Variants in CHRDL2 observed in about 807,000 individuals in gnomAD.
The protein encoded by CHRDL2 is chordin-like protein 2.
Under a neutral mutation model 54.3 loss-of-function variants are expected in CHRDL2, and 41 were observed. That is an observed-to-expected ratio of 0.76 (90% CI 0.59 to 0.98). The LOEUF (loss-of-function observed/expected upper bound fraction) is 0.98. CHRDL2 is among the 50% of genes least tolerant of loss of function. The pLI is 0.00. For missense variants in CHRDL2, 518 were observed against 562.4 expected, an observed-to-expected ratio of 0.92 and a Z score of 0.80; for synonymous variants, 220 against 224.3, an observed-to-expected ratio of 0.98 and a Z score of 0.17.
chr11:74,702,767 C>A (rs373795640), intron 9 of CHRDL2, 27 bp downstream of exon 9: 1 of 1,610,906 alleles, frequency 6.2e-7, no homozygotes, highest in Non-Finnish European at 8.5e-7. Flanking sequence ...CAGAGGTACA[C>A]CCCACTGGGA....
At chr11:74,729,061 T>C (rs1008070037) in intron 1 of CHRDL2, among the ~76,000 whole-genome samples, 2 of 152,148 alleles carry the variant, frequency 1.3e-5, no homozygotes, top group African/African-American at 4.8e-5. Flanking sequence ...GGCAAGGCCA[T>C]GAAAGGCTGA....
At chr11:74,698,909 C>T (rs369683725) in intron 9 of CHRDL2, 1 of 152,284 alleles carries the variant, frequency 6.6e-6, no homozygotes, top group Non-Finnish European at 1.5e-5. Context: ...ACAGATGCAA[C>T]CAGCAAGGCC....
intron 1 of CHRDL2, among the ~76,000 whole-genome samples, chr11:74,725,880 C>T (rs1284386079): frequency 2.0e-5 from 3 of 152,198 alleles, no homozygotes; most frequent in Non-Finnish European, 4.4e-5. Flanking sequence ...ACCCACACAG[C>T]CATACTTTCT....
intron 1 of CHRDL2, among the ~76,000 whole-genome samples, chr11:74,726,824 A>T (rs2034579309): frequency 1.3e-5 from 2 of 152,160 alleles, no homozygotes; most frequent in Admixed American, 1.3e-4. Context: ...CTGGAGCCGG[A>T]CTTCAGGCCT....
intron 1 of CHRDL2, among the ~76,000 whole-genome samples, chr11:74,719,581 AT>A (rs2034457526): frequency 6.6e-6 from 1 of 152,122 alleles, no homozygotes; most frequent in Non-Finnish European, 1.5e-5. Context: ...ATGTCCTTAT[AT>A]TTTGGTGAGC....
At chr11:74,710,734 C>T in intron 4 of CHRDL2, 115 bp downstream of exon 4, 3 of 1,330,420 alleles carry the variant, frequency 2.3e-6, no homozygotes, top group East Asian at 2.6e-5. Context: ...CCCCTGAGCC[C>T]ATTCATTTTG....
intron 9 of CHRDL2, 92 bp from the exon 10 acceptor site, chr11:74,697,389 A>ATCACTCCC: frequency 1.2e-6 from 1 of 833,346 alleles, no homozygotes; most frequent in Non-Finnish European, 2.0e-6. Flanking sequence ...AACGGACCCA[A>ATCACTCCC]TCACTCCCTC....
chr11:74,703,080 A>G (rs966228724), intron 8 of CHRDL2, 113 bp from the exon 9 acceptor site: 18 of 1,153,206 alleles, frequency 1.6e-5, no homozygotes, highest in East Asian at 2.4e-5. Context: ...TACTGATTCT[A>G]TGTTAACAAC....
chr11:74,728,968 G>A (rs780631386), intron 1 of CHRDL2, among the ~76,000 whole-genome samples: 1 of 152,210 alleles, frequency 6.6e-6, no homozygotes, highest in Non-Finnish European at 1.5e-5. Flanking sequence ...GAGGTACAGA[G>A]CTGAAGGCCA....
In CHRDL2 at chr11:74,697,230, G is replaced by A. The variant is rs1441456312; in HGVS notation, c.1188C>T (p.Phe396=). Residue 396 remains phenylalanine, a synonymous_variant, in exon 10 of 11, where the codon TTC becomes TTT. Coordinates refer to ENST00000376332, the MANE Select transcript of CHRDL2 (RefSeq NM_001278473.3). ...CTTCGTGGGGGCCAGCGAGCAGTCG[G>A]AAGTGCTGTGCCTCTTTCTGGAAGT... The part of the protein sequence containing the change: ...KQDFQKEAQH[F]RLLAGPHEGH... 2.8e-5 allele frequency: 45 copies of A among 1,613,972 alleles called. No individual in the cohort carries two copies. The highest frequency in any genetic ancestry group is 3.8e-5 in the Non-Finnish European group (45 of 1,179,982).
chr11:74,718,590 C>A, intron 2 of CHRDL2, 130 bp downstream of exon 2: 2 of 645,386 alleles, frequency 3.1e-6, no homozygotes, highest in East Asian at 2.8e-5. Context: ...AGTGAAGTGG[C>A]TTGTCCCAAG....
chr11:74,729,803 G>A, intron 1 of CHRDL2, among the ~76,000 whole-genome samples: 1 of 152,128 alleles, frequency 6.6e-6, no homozygotes, highest in East Asian at 1.9e-4. Context: ...AATGTGGTTT[G>A]GTTTTCCATC....
At chr11:74,726,216 C>T (rs1713267504) in intron 1 of CHRDL2, among the ~76,000 whole-genome samples, 1 of 152,192 alleles carries the variant, frequency 6.6e-6, no homozygotes, top group Admixed American at 6.5e-5. Flanking sequence ...CTGCCTTGGA[C>T]ATATATGCTT....
intron 4 of CHRDL2, among the ~76,000 whole-genome samples, chr11:74,710,386 C>T (rs182639558): frequency 4.5e-4 from 68 of 152,260 alleles, no homozygotes; most frequent in African/African-American, 1.6e-3. Flanking sequence ...CCTGCCTGCC[C>T]GGAGGTCCAG....
intron 9 of CHRDL2, chr11:74,701,464 C>T: frequency 1.7e-6 from 1 of 587,540 alleles, no homozygotes. Context: ...CCTGAGTCTT[C>T]TCTTCTCCAG....
chr11:74,725,476 A>G (rs568241822), intron 1 of CHRDL2, among the ~76,000 whole-genome samples: 1 of 152,338 alleles, frequency 6.6e-6, no homozygotes, highest in South Asian at 2.1e-4. Flanking sequence ...CAAAAAGGTC[A>G]GGAGCCCAGA....
intron 9 of CHRDL2, chr11:74,697,690 A>T (rs1019262168): frequency 2.2e-6 from 1 of 448,118 alleles, no homozygotes; most frequent in Non-Finnish European, 4.5e-6. Context: ...TGCTCCTGTC[A>T]CCTGCACCAT....
chr11:74,714,827 T>C (rs1367841136), intron 2 of CHRDL2, among the ~76,000 whole-genome samples: 1 of 152,178 alleles, frequency 6.6e-6, no homozygotes. Context: ...AGGATGGCGA[T>C]GATTATTAGC....
At chr11:74,715,112 A>C (rs2064129383) in intron 2 of CHRDL2, among the ~76,000 whole-genome samples, 1 of 152,190 alleles carries the variant, frequency 6.6e-6, no homozygotes, top group African/African-American at 2.4e-5. Context: ...AAGCATGTAA[A>C]AACTGTCACC....
Sources: allele counts gnomAD v4.1 joint callset (sites outside exome capture counted in the v4.1 genomes callset), GRCh38; gene constraint gnomAD v4.1.1; transcripts MANE v1.5; gene names NCBI Gene and HGNC (gene_info 2026-07-23, HGNC 2026-07-21).